The following DCDC1 variants were observed in gnomAD, a reference collection of about 807,000 sequenced individuals.
The protein encoded by DCDC1 is doublecortin domain-containing protein 1.
In DCDC1, 200 loss-of-function variants were observed where a neutral mutation model predicts 178.3. That is an observed-to-expected ratio of 1.12 (90% confidence interval 1.00 to 1.26). DCDC1 has a LOEUF of 1.26. DCDC1 is among the 50% of genes most tolerant of loss of function. DCDC1 has a pLI of 0.00. For synonymous variants in DCDC1, 690 were observed against 604.8 expected, an observed-to-expected ratio of 1.14 and a Z score of -2.07; for missense variants, 1,983 against 1,749.2, an observed-to-expected ratio of 1.13 and a Z score of -2.38.
At chr11:30,868,377 A>G (rs1941208296) in intron 38 of DCDC1, among the ~76,000 whole-genome samples, 1 of 150,772 alleles carries the variant, frequency 6.6e-6, no homozygotes, top group South Asian at 2.1e-4. Context: ...CAGCCTCTCA[A>G]GTAGCTGGGA....
intron 8 of DCDC1, among the ~76,000 whole-genome samples, chr11:31,242,282 C>T (rs1977252461): frequency 6.6e-6 from 1 of 151,842 alleles, no homozygotes; most frequent in Admixed American, 6.6e-5. Context: ...AAGATATTTA[C>T]TTATGGGTAT....
At chr11:31,257,801 C>T (rs1944516394) in intron 8 of DCDC1, among the ~76,000 whole-genome samples, 2 of 152,046 alleles carry the variant, frequency 1.3e-5, no homozygotes, top group Admixed American at 6.6e-5. Flanking sequence ...TCTAATTTCT[C>T]TTAAAGAAGT....
At chr11:31,246,151 C>T (rs2774410) in intron 8 of DCDC1, among the ~76,000 whole-genome samples, 1 of 152,000 alleles carries the variant, frequency 6.6e-6, no homozygotes, top group South Asian at 2.1e-4. Flanking sequence ...TTGTTAATAG[C>T]ATTTCAAGAA....
intron 20 of DCDC1, among the ~76,000 whole-genome samples, chr11:30,998,109 C>T (rs1478004341): frequency 6.6e-6 from 1 of 151,978 alleles, no homozygotes; most frequent in African/African-American, 2.4e-5. Flanking sequence ...GTCTGGGCAA[C>T]ATAGTGAGAC....
chr11:31,369,496 C>G (rs541138812), intron 1 of DCDC1, among the ~76,000 whole-genome samples: 1 of 152,266 alleles, frequency 6.6e-6, no homozygotes, highest in Admixed American at 6.5e-5. Context: ...TCTCTCACCC[C>G]AGAGTTCAAG....
At chr11:31,314,347 C>A (rs1277757145) in intron 3 of DCDC1, 1 of 152,132 alleles carries the variant, frequency 6.6e-6, no homozygotes, top group Middle Eastern at 3.2e-3. Flanking sequence ...TCTAACCTAC[C>A]TACCTACCAT....
At chr11:31,280,609 A>C in intron 7 of DCDC1, 1 of 402,650 alleles carries the variant, frequency 2.5e-6, no homozygotes, top group Non-Finnish European at 4.7e-6. Flanking sequence ...AAAGTATGGT[A>C]TACATAAAAA....
chr11:31,017,090 T>C (rs1214198545), intron 20 of DCDC1, among the ~76,000 whole-genome samples: 1 of 152,184 alleles, frequency 6.6e-6, no homozygotes, highest in Non-Finnish European at 1.5e-5. Context: ...TGTAACAATA[T>C]GGCATGTACA....
intron 33 of DCDC1, 141 bp downstream of exon 33, chr11:30,900,205 G>A (rs1944556554): frequency 2.5e-6 from 2 of 815,290 alleles, no homozygotes; most frequent in African/African-American, 1.8e-5. Context: ...ATTAGTTGAT[G>A]AACCTTCTGT....
At chr11:31,089,407 G>A (rs80133871) in intron 17 of DCDC1, among the ~76,000 whole-genome samples, 1 of 152,032 alleles carries the variant, frequency 6.6e-6, no homozygotes, top group African/African-American at 2.4e-5. Context: ...AATGTGCCTT[G>A]GTTTTGTCTC....
intron 9 of DCDC1, among the ~76,000 whole-genome samples, chr11:31,165,767 T>C (rs1396841652): frequency 6.6e-6 from 1 of 152,228 alleles, no homozygotes; most frequent in Non-Finnish European, 1.5e-5. Context: ...TGCGCAGATT[T>C]GAATTTCTTT....
At chr11:31,030,363 C>T (rs1333852185) in intron 20 of DCDC1, among the ~76,000 whole-genome samples, 1 of 151,772 alleles carries the variant, frequency 6.6e-6, no homozygotes, top group Non-Finnish European at 1.5e-5. Flanking sequence ...ATTAGAAATA[C>T]TGCTGTGACT....
At chr11:31,285,888 T>A (rs1360129133) in intron 7 of DCDC1, among the ~76,000 whole-genome samples, 4 of 151,462 alleles carry the variant, frequency 2.6e-5, no homozygotes, top group Non-Finnish European at 5.9e-5. Flanking sequence ...AACTTGTAGA[T>A]GTTTTCTATT....
At chr11:31,210,863 G>C (rs939092413) in intron 9 of DCDC1, among the ~76,000 whole-genome samples, 1 of 152,084 alleles carries the variant, frequency 6.6e-6, no homozygotes, top group African/African-American at 2.4e-5. Flanking sequence ...GAAGCACAAA[G>C]AGGATATCTT....
In DCDC1 at chr11:31,180,178, T is replaced by A. The variant is rs1968596596; in HGVS notation, c.1222-42394A>T. Among the ~76,000 whole-genome samples, 2 of 152,212 alleles carry A rather than the reference T, an allele frequency of 1.3e-5. 1 individual carries two copies. The highest frequency in any genetic ancestry group is 4.1e-4 in the South Asian group (2 of 4,836). The stretch of plus-strand genomic sequence containing the variant: ...AGATGGAGAAGCTAGCCAATGGGTA[T>A]AAAGTTACAATTAGATAGAATGAAT... On this transcript the variant is annotated intron_variant, in intron 9 of 38. Transcript: ENST00000684477.
intron 20 of DCDC1, among the ~76,000 whole-genome samples, chr11:31,063,294 A>C (rs532252993): frequency 6.6e-6 from 1 of 152,026 alleles, no homozygotes; most frequent in Admixed American, 6.6e-5. Context: ...TCAGTGTGGC[A>C]ATTCCTCAGG....
chr11:31,295,134 C>T (rs1410087849), intron 6 of DCDC1, among the ~76,000 whole-genome samples: 1 of 152,222 alleles, frequency 6.6e-6, no homozygotes, highest in Admixed American at 6.5e-5. Context: ...AACCTACACA[C>T]ATCCCCCTGT....
intron 20 of DCDC1, among the ~76,000 whole-genome samples, chr11:31,035,169 T>C (rs1273369040): frequency 6.6e-6 from 1 of 152,198 alleles, no homozygotes; most frequent in East Asian, 1.9e-4. Context: ...CCTGTGAAAA[T>C]AGTACAGAGT....
intron 9 of DCDC1, among the ~76,000 whole-genome samples, chr11:31,240,015 T>G (rs1011740965): frequency 3.3e-5 from 5 of 151,906 alleles, no homozygotes; most frequent in African/African-American, 1.2e-4. Context: ...AGAAAATGTT[T>G]AAGCTTGTCT....
Sources: allele counts gnomAD v4.1 joint callset (sites outside exome capture counted in the v4.1 genomes callset), GRCh38; gene constraint gnomAD v4.1.1; transcripts MANE v1.5; gene names NCBI Gene and HGNC (gene_info 2026-07-23, HGNC 2026-07-21).